VPS54: variants seen among roughly 807,000 people sequenced by gnomAD.
VPS54 encodes vacuolar protein sorting-associated protein 54.
In VPS54, 45 loss-of-function variants were observed where a neutral mutation model predicts 121.5. The ratio of observed to expected loss-of-function variants is 0.37; its 90% CI spans 0.29 to 0.47. The LOEUF is 0.47. Ranked by LOEUF, VPS54 falls within the 20% of genes least tolerant of loss-of-function variation. VPS54 has a pLI of 0.99. For missense variants in VPS54, 1,090 were observed against 1,131.4 expected (o/e 0.96, Z 0.52); for synonymous variants, 371 against 385.8 (o/e 0.96, Z 0.45).
chr2:63,992,091 G>A (rs1029809132), intron 1 of VPS54, among the ~76,000 whole-genome samples: 5 of 152,244 alleles, frequency 3.3e-5, no homozygotes, highest in Non-Finnish European at 2.9e-5. Flanking sequence ...TTCAGTTGAC[G>A]AGATTAAACT....
intron 1 of VPS54, among the ~76,000 whole-genome samples, chr2:63,996,198 G>C (rs1367172305): frequency 1.3e-5 from 2 of 152,220 alleles, no homozygotes; most frequent in Non-Finnish European, 2.9e-5. Context: ...AACATAAATT[G>C]TGAAGATTTC....
At chr2:63,968,410 TAA>T (rs1265842185) in intron 5 of VPS54, among the ~76,000 whole-genome samples, 11 of 142,638 alleles carry the variant, frequency 7.7e-5, no homozygotes, top group Non-Finnish European at 7.7e-5. Flanking sequence ...TTTTTTCGTT[TAA>T]AAAAAAAAAA....
At chr2:63,907,305 G>T (rs915679069) in intron 20 of VPS54, among the ~76,000 whole-genome samples, 1 of 152,016 alleles carries the variant, frequency 6.6e-6, no homozygotes, top group Non-Finnish European at 1.5e-5. Flanking sequence ...GATCACCTGA[G>T]GTCGGGAGTT....
intron 12 of VPS54, among the ~76,000 whole-genome samples, chr2:63,921,695 G>C (rs1450590233): frequency 6.6e-6 from 1 of 151,756 alleles, no homozygotes; most frequent in Non-Finnish European, 1.5e-5. Flanking sequence ...GCCCAGGGTG[G>C]TCTCAAATAT....
chr2:63,913,108 A>T, intron 18 of VPS54, 115 bp downstream of exon 18: 2 of 797,366 alleles, frequency 2.5e-6, no homozygotes, highest in Non-Finnish European at 3.8e-6. Context: ...ATTTATTTTT[A>T]GAGTAATGCC....
chr2:63,993,950 C>G (rs551443472), intron 1 of VPS54, among the ~76,000 whole-genome samples: 1 of 152,158 alleles, frequency 6.6e-6, no homozygotes, highest in Admixed American at 6.5e-5. Context: ...TCCCCAAAAC[C>G]TTTAAATATT....
chr2:63,959,774 A>C (rs34688719), intron 7 of VPS54, among the ~76,000 whole-genome samples: 46,811 of 151,834 alleles, frequency 0.31, 8,459 homozygotes, highest in Non-Finnish European at 0.4. Context: ...TAATCCCAGC[A>C]CTCTGGGAGG....
chr2:63,930,045 C>G (rs1046984124), intron 12 of VPS54, among the ~76,000 whole-genome samples: 2 of 152,140 alleles, frequency 1.3e-5, no homozygotes, highest in African/African-American at 4.8e-5. Flanking sequence ...AAAAAAAGTT[C>G]AGGACCAGAC....
At chr2:63,942,875 C>T (rs1205257417) in intron 10 of VPS54, among the ~76,000 whole-genome samples, 1 of 152,080 alleles carries the variant, frequency 6.6e-6, no homozygotes, top group Non-Finnish European at 1.5e-5. Flanking sequence ...ACATCTCTCC[C>T]CAAAATTTAA....
intron 12 of VPS54, among the ~76,000 whole-genome samples, chr2:63,924,222 G>C (rs1316350090): frequency 6.6e-6 from 1 of 152,166 alleles, no homozygotes; most frequent in Admixed American, 6.6e-5. Context: ...TCTCTCTTTT[G>C]CCACAATGAC....
intron 7 of VPS54, among the ~76,000 whole-genome samples, chr2:63,959,137 A>G (rs765560677): frequency 2.6e-5 from 4 of 152,202 alleles, no homozygotes; most frequent in Admixed American, 6.5e-5. Flanking sequence ...AATGGTCTTA[A>G]AAACATCTGT....
At chr2:63,927,059 T>G (rs997469922) in intron 12 of VPS54, among the ~76,000 whole-genome samples, 1 of 152,158 alleles carries the variant, frequency 6.6e-6, no homozygotes, top group Admixed American at 6.5e-5. Flanking sequence ...CCTCTCTGGA[T>G]TCCACCTCCC....
chr2:63,926,166 C>A (rs1255334350), intron 12 of VPS54, among the ~76,000 whole-genome samples: 1 of 152,142 alleles, frequency 6.6e-6, no homozygotes, highest in African/African-American at 2.4e-5. Context: ...TGCTAAAAGC[C>A]AGAACAGCCA....
intron 8 of VPS54, among the ~76,000 whole-genome samples, chr2:63,948,670 G>A (rs1405396791): frequency 2.0e-5 from 3 of 151,978 alleles, no homozygotes; most frequent in Middle Eastern, 6.8e-3. Context: ...CAAACTGCTG[G>A]GATTACAGGC....
At chr2:63,944,505 A>G (rs562290498) in intron 10 of VPS54, 95 bp downstream of exon 10, 3 of 1,248,028 alleles carry the variant, frequency 2.4e-6, no homozygotes, top group African/African-American at 1.5e-5. Context: ...ACCTTAGTAA[A>G]TAATTCCTTA....
chr2:63,978,167 G>T (rs938669009), intron 3 of VPS54, among the ~76,000 whole-genome samples: 1 of 152,218 alleles, frequency 6.6e-6, no homozygotes, highest in African/African-American at 2.4e-5. Context: ...AAGGTTTTTT[G>T]TTGTGAGAAC....
At chr2:63,998,207 T>C (rs184883929) in intron 1 of VPS54, among the ~76,000 whole-genome samples, 1 of 152,342 alleles carries the variant, frequency 6.6e-6, no homozygotes, top group African/African-American at 2.4e-5. Flanking sequence ...ACCTTCATTG[T>C]CTCTTCTTAT....
At chr2:63,905,988 C>G (rs147590479) in intron 20 of VPS54, among the ~76,000 whole-genome samples, 54 of 152,242 alleles carry the variant, frequency 3.5e-4, no homozygotes, top group African/African-American at 1.2e-3. Context: ...AACATCTGTT[C>G]ATCATATAAA....
At chr2:63,901,458 C>G (rs1362797) in intron 20 of VPS54, among the ~76,000 whole-genome samples, 1 of 152,062 alleles carries the variant, frequency 6.6e-6, no homozygotes, top group Non-Finnish European at 1.5e-5. Context: ...TAAGGAGAGT[C>G]TGCACTCATG....
Sources: gnomAD v4.1 joint callset for allele counts (sites outside exome capture counted in the v4.1 genomes callset) on GRCh38, gnomAD v4.1.1 for gene constraint, MANE v1.5 for transcripts, NCBI Gene and HGNC (gene_info 2026-07-23, HGNC 2026-07-21) for gene names.